Variants in SPECC1L observed in about 807,000 individuals in gnomAD.
SPECC1L encodes sperm antigen with calponin homology and coiled-coil domains 1 like.
A neutral mutation model predicts 116.8 loss-of-function variants in SPECC1L; 40 were observed. The ratio of observed to expected loss-of-function variants is 0.34; its 90% CI spans 0.27 to 0.45. The LOEUF (loss-of-function observed/expected upper bound fraction) is 0.45. Among genes scored for constraint, SPECC1L ranks in the 20% least tolerant of loss-of-function variants. The probability of loss-of-function intolerance (pLI) is 1.00; values close to 1 mark genes in which losing one functional copy is unlikely to be tolerated. For synonymous variants in SPECC1L, 504 were observed against 500.6 expected, an observed-to-expected ratio of 1.01 and a Z score of -0.09; for missense variants, 1,110 against 1,373.6, an observed-to-expected ratio of 0.81 and a Z score of 3.03.
At chr22:24,306,524 A>T (rs975718898) in intron 3 of SPECC1L, among the ~76,000 whole-genome samples, 4 of 151,962 alleles carry the variant, frequency 2.6e-5, no homozygotes, top group African/African-American at 9.7e-5. Context: ...GGAATTACAG[A>T]TGTGTGTCAC....
intron 2 of SPECC1L, among the ~76,000 whole-genome samples, chr22:24,285,473 C>A (rs1462914626): frequency 6.6e-6 from 1 of 152,100 alleles, no homozygotes; most frequent in East Asian, 1.9e-4. Flanking sequence ...AGCATTTGAA[C>A]GCATATTCTA....
chr22:24,316,153 G>A (rs1048925407), intron 4 of SPECC1L, among the ~76,000 whole-genome samples: 3 of 152,290 alleles, frequency 2.0e-5, no homozygotes, highest in Non-Finnish European at 2.9e-5. Flanking sequence ...ACTTTCCTAA[G>A]ACTGTTTGAT....
intron 8 of SPECC1L, among the ~76,000 whole-genome samples, chr22:24,332,199 A>G (rs985769334): frequency 1.2e-4 from 18 of 152,240 alleles, no homozygotes; most frequent in African/African-American, 4.3e-4. Context: ...TGCCAGTGAT[A>G]AAATGTGGGC....
intron 9 of SPECC1L, among the ~76,000 whole-genome samples, chr22:24,335,148 A>G (rs1046612291): frequency 6.6e-6 from 1 of 152,180 alleles, no homozygotes; most frequent in Non-Finnish European, 1.5e-5. Context: ...TACAGCCTAC[A>G]TCATGGATAT....
chr22:24,309,511 C>T (rs963606336), intron 3 of SPECC1L, among the ~76,000 whole-genome samples: 5 of 152,134 alleles, frequency 3.3e-5, no homozygotes, highest in Non-Finnish European at 5.9e-5. Context: ...AGTGATTCTC[C>T]TGCCTCAGGC....
chr22:24,344,124 C>T (rs758352126), intron 10 of SPECC1L, among the ~76,000 whole-genome samples: 22 of 152,138 alleles, frequency 1.4e-4, no homozygotes, highest in South Asian at 6.2e-4. Flanking sequence ...GCTAGCATTA[C>T]CTGATAGCAA....
At chr22:24,372,657 C>G (rs1410088094) in intron 14 of SPECC1L, among the ~76,000 whole-genome samples, 1 of 151,862 alleles carries the variant, frequency 6.6e-6, no homozygotes, top group African/African-American at 2.4e-5. Context: ...GGCAAACCCA[C>G]AGCCAATATC....
intron 14 of SPECC1L, among the ~76,000 whole-genome samples, chr22:24,369,663 G>T (rs893744504): frequency 6.6e-6 from 1 of 152,132 alleles, no homozygotes; most frequent in Non-Finnish European, 1.5e-5. Flanking sequence ...AAGAAGAAAT[G>T]ATGAGTCCTA....
intron 3 of SPECC1L, among the ~76,000 whole-genome samples, chr22:24,305,890 G>A (rs1157769592): frequency 6.6e-6 from 1 of 151,392 alleles, no homozygotes; most frequent in Non-Finnish European, 1.5e-5. Context: ...AATTTGCATC[G>A]TTACCAGTAA....
intron 14 of SPECC1L, among the ~76,000 whole-genome samples, chr22:24,388,884 G>A (rs1483410149): frequency 6.6e-6 from 1 of 152,076 alleles, no homozygotes; most frequent in Non-Finnish European, 1.5e-5. Context: ...GGACAGTTCA[G>A]TGGTTTTTAG....
chr22:24,395,801 G>A (rs2042356540), intron 14 of SPECC1L, among the ~76,000 whole-genome samples: 2 of 152,046 alleles, frequency 1.3e-5, no homozygotes, highest in Admixed American at 6.5e-5. Context: ...ACCACGTCTG[G>A]CTAATTTTTT....
intron 4 of SPECC1L, among the ~76,000 whole-genome samples, chr22:24,315,751 A>T (rs936322463): frequency 2.6e-5 from 4 of 152,244 alleles, no homozygotes; most frequent in Non-Finnish European, 5.9e-5. Context: ...AAAATACCAC[A>T]GACTGGATGG....
At chr22:24,305,383 A>G (rs1010478852) in intron 3 of SPECC1L, among the ~76,000 whole-genome samples, 15 of 152,190 alleles carry the variant, frequency 9.9e-5, no homozygotes, top group Admixed American at 1.3e-4. Context: ...TTCTAGCACC[A>G]GAGATGATTT....
chr22:24,334,144 C>T (rs1403666764), intron 8 of SPECC1L, among the ~76,000 whole-genome samples: 1 of 151,542 alleles, frequency 6.6e-6, no homozygotes, highest in African/African-American at 2.4e-5. Context: ...TCCCAAGTAG[C>T]TGGGAGTACA....
chr22:24,353,261 T>C (rs570678009), intron 11 of SPECC1L, among the ~76,000 whole-genome samples: 2 of 152,300 alleles, frequency 1.3e-5, no homozygotes, highest in East Asian at 3.9e-4. Context: ...TCCATTTAGT[T>C]GTCTTATCTC....
At chr22:24,282,850 T>C (rs1440247787) in intron 2 of SPECC1L, among the ~76,000 whole-genome samples, 1 of 151,862 alleles carries the variant, frequency 6.6e-6, no homozygotes, top group Non-Finnish European at 1.5e-5. Flanking sequence ...TAATCCCAGC[T>C]TACTGCAACC....
Position 24,321,709 on chromosome 22 carries a change from A to G in SPECC1L, c.729A>G (p.Leu243=). ...AGCCGACTGATGTGGAGTCCACTTT[A>G]TTGCAGTTGCAGGAACAGAATACTG... The part of the protein sequence containing the change: ...AHQPTDVEST[L]LQLQEQNTAI... Residue 243 remains leucine (L), a synonymous_variant, in exon 5 of 17, where the codon TTA becomes TTG. Coordinates refer to ENST00000314328, the MANE Select transcript of SPECC1L (RefSeq NM_015330.6). The G allele has an allele frequency of 6.2e-7, 1 of 1,614,256 alleles. No homozygotes were observed. The highest frequency in any genetic ancestry group is 8.5e-7 in the Non-Finnish European group (1 of 1,180,050).
chr22:24,380,183 T>C (rs2146689673), intron 14 of SPECC1L, among the ~76,000 whole-genome samples: 1 of 152,312 alleles, frequency 6.6e-6, no homozygotes, highest in South Asian at 2.1e-4. Flanking sequence ...AAATGCATAA[T>C]CTTTTAAAAC....
intron 10 of SPECC1L, chr22:24,343,475 T>G (rs1266091661): frequency 2.2e-6 from 1 of 449,888 alleles, no homozygotes; most frequent in South Asian, 1.6e-5. Flanking sequence ...TGTTTTGTTT[T>G]TTTGAGATGG....
Sources: allele counts gnomAD v4.1 joint callset (sites outside exome capture counted in the v4.1 genomes callset), GRCh38; gene constraint gnomAD v4.1.1; transcripts MANE v1.5; gene names NCBI Gene and HGNC (gene_info 2026-07-23, HGNC 2026-07-21).